CCDC88A: variants seen among roughly 807,000 people sequenced by gnomAD.
The protein encoded by CCDC88A is coiled-coil and HOOK domain protein 88A.
In CCDC88A, 54 loss-of-function variants were observed where a neutral mutation model predicts 234.3. That is an observed-to-expected ratio of 0.23 (90% CI 0.19 to 0.29). CCDC88A has a LOEUF of 0.29. CCDC88A is among the 10% of genes least tolerant of loss of function. CCDC88A has a pLI of 1.00. For synonymous variants in CCDC88A, 753 were observed against 737.8 expected (o/e 1.02, Z -0.33); for missense variants, 1,832 against 2,123.4 (o/e 0.86, Z 2.70).
intron 2 of CCDC88A, among the ~76,000 whole-genome samples, chr2:55,407,719 A>ATT (rs750235181): frequency 3.9e-4 from 54 of 138,530 alleles, no homozygotes; most frequent in African/African-American, 6.3e-4. Flanking sequence ...TTCTAGTTTA[A>ATT]TTTTTTTTTT....
At chr2:55,355,230 TAA>T (rs1355795230) in intron 8 of CCDC88A, 1 of 215,200 alleles carries the variant, frequency 4.6e-6, no homozygotes, top group Non-Finnish European at 9.2e-6. Flanking sequence ...ACATTAATTT[TAA>T]AAGAGTTATT....
intron 31 of CCDC88A, chr2:55,292,323 C>T (rs113062510): frequency 2.0e-5 from 3 of 152,234 alleles, no homozygotes; most frequent in South Asian, 2.1e-4. Flanking sequence ...ACTGAATCTT[C>T]GAATAGTTTT....
chr2:55,419,229 C>G lies in CCDC88A; in HGVS notation c.-150G>C. The G allele has an allele frequency of 3.3e-6, 2 of 612,002 alleles. No homozygotes were observed. Among genetic ancestry groups the G allele is most frequent in the Non-Finnish European group, 5.8e-6 (2 of 344,426 alleles). The allele number at this position is 612,002 out of a possible 1,614,324, so 37.9% of individuals were successfully genotyped here. On this transcript the variant is annotated 5_prime_UTR_variant, in exon 1 of 33. Transcript: ENST00000436346. The stretch of plus-strand genomic sequence containing the variant: ...GTGGAGGAGGGGGGCACTCTCCCTC[C>G]TCAAAAAACACCCCAGAGTGAAACG...
At chr2:55,409,793 T>A (rs1330572857) in intron 2 of CCDC88A, among the ~76,000 whole-genome samples, 1 of 139,116 alleles carries the variant, frequency 7.2e-6, no homozygotes, top group Admixed American at 7.7e-5. Flanking sequence ...CAAGCCGGAG[T>A]GCAGTGGCGC....
intron 12 of CCDC88A, among the ~76,000 whole-genome samples, chr2:55,340,909 T>C (rs1020615523): frequency 6.6e-6 from 1 of 152,144 alleles, no homozygotes; most frequent in South Asian, 2.1e-4. Flanking sequence ...CTCTTAAACT[T>C]ATTCTCATCT....
At chr2:55,325,108 G>C (rs1684103173) in intron 17 of CCDC88A, among the ~76,000 whole-genome samples, 1 of 152,208 alleles carries the variant, frequency 6.6e-6, no homozygotes, top group South Asian at 2.1e-4. Flanking sequence ...TAATCTGCCT[G>C]TTGGGATTTT....
intron 5 of CCDC88A, 92 bp downstream of exon 5, chr2:55,372,360 G>A (rs1347442854): frequency 2.8e-5 from 17 of 609,208 alleles, no homozygotes; most frequent in African/African-American, 1.1e-4. Flanking sequence ...GAAAACCAAT[G>A]GTCCATCCTT....
At chr2:55,366,576 C>CA (rs1553419135) in intron 5 of CCDC88A, among the ~76,000 whole-genome samples, 6 of 139,662 alleles carry the variant, frequency 4.3e-5, no homozygotes, top group Admixed American at 1.4e-4. Context: ...CACACACACA[C>CA]AAGATATGAT....
rs1344426324 is a variant in CCDC88A at position 55,301,998 on chromosome 2, C to A, written c.4546G>T (p.Asp1516Tyr). ...TGSTENLEVP[D>Y]DISTGKRRKE... is the part of the protein sequence containing the mutation. Reference sequence around the variant, plus strand: ...CTCCTTTTACCCGTTGAAATATCATCAGGAACCTCCAAATTCTCAGTACTA... The same window carrying A: ...CTCCTTTTACCCGTTGAAATATCATAAGGAACCTCCAAATTCTCAGTACTA... Residue 1516 changes from aspartate to tyrosine, a missense_variant, in exon 27 of 33, where the codon GAT becomes TAT. Around this residue, in one of 6 missense-constraint regions of CCDC88A, gnomAD observed 422 missense variants for 416.5 expected, o/e 1.01. Transcript: ENST00000436346. The A allele has an allele frequency of 6.2e-7, 1 of 1,614,106 alleles. No homozygotes were observed. The highest frequency in any genetic ancestry group is 1.7e-5 in the Admixed American group (1 of 60,024).
Position 55,335,217 on chromosome 2 carries a change from GGTT to G in CCDC88A, c.1657-56_1657-54del. ...CTGTAATTGAGGAAAAACTAACTAT[GGTT>G]TATCTCTTCCAAAAACTACCAAGAA... On this transcript the variant is annotated intron_variant, in intron 14 of 32. Coordinates refer to ENST00000436346, the MANE Select transcript of CCDC88A (RefSeq NM_001365480.1). The surrounding 1 kb of genome is among the most constrained non-coding windows in gnomAD (Gnocchi z 4.5). 1 of 1,155,450 alleles carries G rather than the reference GGTT, an allele frequency of 8.7e-7. No individual in the cohort carries two copies. Among genetic ancestry groups the G allele is most frequent in the African/African-American group, 1.6e-5 (1 of 64,210 alleles). The allele number at this position is 1,155,450 out of a possible 1,614,324, so 71.6% of individuals were successfully genotyped here.
At chr2:55,381,381 C>T (rs576008307) in intron 3 of CCDC88A, among the ~76,000 whole-genome samples, 2 of 152,038 alleles carry the variant, frequency 1.3e-5, no homozygotes, top group African/African-American at 4.8e-5. Flanking sequence ...AACCCTGTCT[C>T]AACAACAGCA....
chr2:55,367,897 GC>G (rs1672259526), intron 5 of CCDC88A, among the ~76,000 whole-genome samples: 2 of 152,050 alleles, frequency 1.3e-5, no homozygotes. Context: ...ACCCAACCTG[GC>G]CAAAGTCCAA....
Position 55,335,126 on chromosome 2 carries a change from T to C in CCDC88A, c.1695A>G (p.Gln565=). ...ACCGCTGCCTTAAGGAAGACACTGTTTGATTCAGATGTTCATTTTCCTGTT... is the reference window on the plus strand; with the variant it reads ...ACCGCTGCCTTAAGGAAGACACTGTCTGATTCAGATGTTCATTTTCCTGTT... ...ILEQENEHLN[Q]TVSSLRQRSQ... is the part of the protein sequence containing the mutation. Residue 565 remains glutamine, a synonymous_variant, in exon 15 of 33, where the codon CAA becomes CAG. Transcript: ENST00000436346. The surrounding 1 kb of genome is among the most constrained non-coding windows in gnomAD (Gnocchi z 4.5). 2 of 1,565,436 alleles carry C rather than the reference T, an allele frequency of 1.3e-6. No individual in the cohort carries two copies. Among genetic ancestry groups the C allele is most frequent in the Non-Finnish European group, 1.7e-6 (2 of 1,161,694 alleles).
chr2:55,363,135 T>C (rs1312876170), intron 6 of CCDC88A, among the ~76,000 whole-genome samples: 7 of 151,964 alleles, frequency 4.6e-5, no homozygotes, highest in Non-Finnish European at 8.8e-5. Flanking sequence ...GTCTCTATAA[T>C]GGGAGACTAC....
chr2:55,415,843 TA>T (rs1252164698), intron 2 of CCDC88A, among the ~76,000 whole-genome samples: 1 of 152,156 alleles, frequency 6.6e-6, no homozygotes, highest in Non-Finnish European at 1.5e-5. Context: ...TAGTACTGCC[TA>T]ACAAATCTTA....
chr2:55,294,985 T>C, intron 31 of CCDC88A: 1 of 1,199,778 alleles, frequency 8.3e-7, no homozygotes, highest in South Asian at 1.6e-5. Context: ...TGATATTTTG[T>C]TAACAGCAAC....
intron 23 of CCDC88A, among the ~76,000 whole-genome samples, chr2:55,311,257 C>A (rs926259684): frequency 6.6e-6 from 1 of 152,094 alleles, no homozygotes; most frequent in Admixed American, 6.5e-5. Context: ...AAGGTGGAGC[C>A]CAAGTTGTCC....
Position 55,419,416 on chromosome 2 carries a change from A to G in CCDC88A, c.-337T>C. 2 of 299,810 alleles carry G rather than the reference A, an allele frequency of 6.7e-6. No homozygotes were observed. Among genetic ancestry groups the G allele is most frequent in the South Asian group, 7.5e-5 (2 of 26,792 alleles). 18.6% of individuals were successfully genotyped at this position (299,810 alleles called of 1,614,324 possible). A position where few individuals can be genotyped will look rare whatever the true frequency, so the allele number is the denominator to read the frequency against. On this transcript the variant is annotated 5_prime_UTR_variant, in exon 1 of 33. Coordinates refer to ENST00000436346, the MANE Select transcript of CCDC88A (RefSeq NM_001365480.1). ...GACAAAAAGCCCGTCAAGGTTGTCC[A>G]GCTCCTGGAGGATCCAGACCAGCGA...
Position 55,288,478 on chromosome 2 carries a change from C to T in CCDC88A, c.*2722G>A, listed in dbSNP as rs1416509095. On this transcript the variant is annotated 3_prime_UTR_variant, in exon 33 of 33. Coordinates refer to ENST00000436346, the MANE Select transcript of CCDC88A (RefSeq NM_001365480.1). ...TTTGGTACAGTATCTTTTTCATTTC[C>T]TGACATAAACCATTAAGACAGCACA... is the stretch of plus-strand genomic sequence containing the variant. 6.6e-6 allele frequency: 1 copy of T among 152,572 alleles called. No individual in the cohort carries two copies. Among genetic ancestry groups the T allele is most frequent in the Non-Finnish European group, 1.5e-5 (1 of 68,018 alleles). 9.5% of individuals were successfully genotyped at this position (152,572 alleles called of 1,614,324 possible).
Sources: gnomAD v4.1 joint callset for allele counts (sites outside exome capture counted in the v4.1 genomes callset) on GRCh38, gnomAD v4.1.1 for gene constraint, gnomAD v4.1.1 regional missense constraint, Gnocchi (gnomAD v3.1) non-coding constraint, MANE v1.5 for transcripts, NCBI Gene and HGNC (gene_info 2026-07-23, HGNC 2026-07-21) for gene names.